The following COLGALT2 variants were observed in gnomAD, a reference collection of about 807,000 sequenced individuals.
COLGALT2 encodes the protein collagen beta(1-O)galactosyltransferase 2.
COLGALT2 carries 49 observed loss-of-function variants against 73.4 expected under a neutral mutation model. That is an observed-to-expected ratio of 0.67 (90% CI 0.53 to 0.85). COLGALT2 has a LOEUF of 0.85. Ranked by LOEUF, COLGALT2 falls within the 40% of genes least tolerant of loss-of-function variation. The probability of loss-of-function intolerance (pLI) is 0.00; values close to 1 mark genes in which losing one functional copy is unlikely to be tolerated. For synonymous variants in COLGALT2, 295 were observed against 307.6 expected, an observed-to-expected ratio of 0.96 and a Z score of 0.43; for missense variants, 722 against 790.2, an observed-to-expected ratio of 0.91 and a Z score of 1.03.
intron 4 of COLGALT2, among the ~76,000 whole-genome samples, chr1:183,969,767 T>C (rs1558319202): frequency 6.6e-6 from 1 of 152,238 alleles, no homozygotes; most frequent in Non-Finnish European, 1.5e-5. Context: ...TATGATTAAA[T>C]ATGAAGCATG....
intron 4 of COLGALT2, among the ~76,000 whole-genome samples, chr1:183,969,775 A>G (rs917262861): frequency 6.6e-6 from 1 of 152,256 alleles, no homozygotes; most frequent in African/African-American, 2.4e-5. Context: ...AATATGAAGC[A>G]TGAGTATTAA....
At chr1:184,015,313 C>T (rs1162556648) in intron 1 of COLGALT2, among the ~76,000 whole-genome samples, 1 of 152,146 alleles carries the variant, frequency 6.6e-6, no homozygotes, top group Non-Finnish European at 1.5e-5. Context: ...ACACATCTAT[C>T]CTGTTGCTTT....
intron 1 of COLGALT2, among the ~76,000 whole-genome samples, chr1:183,991,896 T>C (rs1671637420): frequency 6.6e-6 from 1 of 152,102 alleles, no homozygotes; most frequent in South Asian, 2.1e-4. Context: ...GGAAAACTAC[T>C]GTCAGAGGGA....
At chr1:184,032,747 C>A (rs750988588) in intron 1 of COLGALT2, among the ~76,000 whole-genome samples, 1 of 152,212 alleles carries the variant, frequency 6.6e-6, no homozygotes, top group East Asian at 1.9e-4. Context: ...AATATGACAT[C>A]ATTCTTACCA....
rs758324681 is a variant in COLGALT2, at chr1:183,963,967, G to A, written c.886C>T (p.Leu296=). 3.7e-6 allele frequency: 6 copies of A among 1,613,502 alleles called. No individual in the cohort carries two copies. The South Asian group carries it at 5.5e-5, about 15-fold the overall frequency. The change falls in exon 6 of 12, where the codon CTG becomes TTG. Residue 296 remains leucine (L), a synonymous_variant. Coordinates refer to ENST00000361927, the MANE Select transcript of COLGALT2 (RefSeq NM_015101.4). ...REHYGYLPIP[L]KPHQTLQEDI... is the part of the protein sequence containing the mutation. ...TCCTGCAGTGTCTGATGGGGCTTCA[G>A]GGGGATGGGCAGGTAGCCATAGTGC...
intron 11 of COLGALT2, among the ~76,000 whole-genome samples, chr1:183,930,785 G>T (rs370155436): frequency 1.3e-5 from 2 of 151,884 alleles, no homozygotes; most frequent in East Asian, 3.9e-4. Flanking sequence ...TTCTGATGTG[G>T]TTCCTACTTT....
At chr1:183,967,430 T>C (rs377375946) in intron 5 of COLGALT2, among the ~76,000 whole-genome samples, 4 of 152,362 alleles carry the variant, frequency 2.6e-5, no homozygotes, top group South Asian at 2.1e-4. Context: ...TTTGGGTGTC[T>C]ACCTGCTTTC....
At position 183,936,890 on chromosome 1, in the gene COLGALT2, T is replaced by C; in HGVS notation, c.*1871A>G. On this transcript the variant is annotated 3_prime_UTR_variant, in exon 12 of 12. Transcript: ENST00000361927. ...GTGAGTCGGGAAGGAAGGCCGAGGC[T>C]GGCGTCTGGTGGAAGGCAAGCTGCC... The C allele has an allele frequency of 8.1e-7, 1 of 1,231,746 alleles. No individual in the cohort carries two copies. The highest frequency in any genetic ancestry group is 1.0e-6 in the Non-Finnish European group (1 of 987,996). 76.3% of individuals were successfully genotyped at this position (1,231,746 alleles called of 1,614,324 possible).
downstream of COLGALT2, among the ~76,000 whole-genome samples, chr1:183,935,340 G>A (rs182796385): frequency 1.3e-3 from 195 of 152,320 alleles, 1 homozygote; most frequent in African/African-American, 4.5e-3. Flanking sequence ...GCATCTCAGT[G>A]CCCAGCACAA....
Position 183,983,184 on chromosome 1 carries a change from G to A in COLGALT2, c.264-4664C>T, listed in dbSNP as rs140009147. Among the ~76,000 whole-genome samples the A allele has an allele frequency of 1.6e-3, 244 of 152,308 alleles. 1 individual carries two copies. The highest frequency in any genetic ancestry group is 5.7e-3 in the African/African-American group (236 of 41,564). On this transcript the variant is annotated intron_variant, in intron 1 of 11. Coordinates refer to ENST00000361927, the MANE Select transcript of COLGALT2 (RefSeq NM_015101.4). ...CTCAGGCTTCTGAGGAAATGAACAC[G>A]TCCTCCAGTTGTGGTTGGAGAGAGG... is the stretch of plus-strand genomic sequence containing the variant.
At chr1:183,947,689 G>T (rs751636589) in intron 8 of COLGALT2, among the ~76,000 whole-genome samples, 1 of 151,962 alleles carries the variant, frequency 6.6e-6, no homozygotes, top group South Asian at 2.1e-4. Context: ...TAAGAAACTA[G>T]ATAAAGAGAA....
intron 1 of COLGALT2, among the ~76,000 whole-genome samples, chr1:184,013,791 G>A (rs543781118): frequency 1.3e-5 from 2 of 152,144 alleles, no homozygotes; most frequent in Admixed American, 6.5e-5. Flanking sequence ...TAGGAAATGG[G>A]AGATGGCGGT....
chr1:184,035,215 T>G (rs964553906), intron 1 of COLGALT2, among the ~76,000 whole-genome samples: 1 of 152,216 alleles, frequency 6.6e-6, no homozygotes, highest in Non-Finnish European at 1.5e-5. Context: ...ATCCTAATTA[T>G]ATTGCAAAAT....
At position 183,937,524 on chromosome 1, in the gene COLGALT2, T is replaced by C. The variant is rs1306531171; in HGVS notation, c.*1237A>G. Reference sequence around the variant, plus strand: ...TCCCTGGTTGCTGGCCTAAATCAGGTGACCAGCCCTTTGTTTCTGACCAGG... The same window carrying C: ...TCCCTGGTTGCTGGCCTAAATCAGGCGACCAGCCCTTTGTTTCTGACCAGG... On this transcript the variant is annotated 3_prime_UTR_variant, in exon 12 of 12. Coordinates refer to ENST00000361927, the MANE Select transcript of COLGALT2 (RefSeq NM_015101.4). 2 of 985,280 alleles carry C rather than the reference T, an allele frequency of 2.0e-6. No individual in the cohort carries two copies. The highest frequency in any genetic ancestry group is 1.7e-5 in the African/African-American group (1 of 57,198). 61.0% of individuals were successfully genotyped at this position (985,280 alleles called of 1,614,324 possible).
intron 1 of COLGALT2, among the ~76,000 whole-genome samples, chr1:184,027,568 A>G (rs1377100349): frequency 6.6e-6 from 1 of 152,254 alleles, no homozygotes; most frequent in South Asian, 2.1e-4. Context: ...GGTAAGGACC[A>G]TGTCCACTCA....
chr1:183,957,660 G>A (rs183362194), intron 6 of COLGALT2, among the ~76,000 whole-genome samples: 5 of 151,680 alleles, frequency 3.3e-5, no homozygotes, highest in East Asian at 1.9e-4. Context: ...ATAATCTTCC[G>A]CCGCACAGCT....
chr1:183,933,851 G>A (rs569613364), downstream of COLGALT2, among the ~76,000 whole-genome samples: 11 of 152,284 alleles, frequency 7.2e-5, no homozygotes, highest in African/African-American at 2.4e-4. Context: ...ACAGGGACGG[G>A]CATAAAAACA....
At chr1:183,983,433 C>A (rs922815846) in intron 1 of COLGALT2, among the ~76,000 whole-genome samples, 19 of 152,158 alleles carry the variant, frequency 1.2e-4, no homozygotes, top group African/African-American at 4.1e-4. Flanking sequence ...ATCGCTCTGA[C>A]AAAAGTATAT....
chr1:184,025,486 T>C (rs1439096755), intron 1 of COLGALT2, among the ~76,000 whole-genome samples: 1 of 152,216 alleles, frequency 6.6e-6, no homozygotes, highest in Admixed American at 6.5e-5. Context: ...AATCCTGAGC[T>C]GGCCAGAGCC....
Sources: allele counts gnomAD v4.1 joint callset (sites outside exome capture counted in the v4.1 genomes callset), GRCh38; gene constraint gnomAD v4.1.1; transcripts MANE v1.5; gene names NCBI Gene and HGNC (gene_info 2026-07-23, HGNC 2026-07-21).